The following LMX1B variants were observed in gnomAD, a reference collection of about 807,000 sequenced individuals.
LMX1B encodes LIM homeobox transcription factor 1-beta.
In LMX1B, 12 loss-of-function variants were observed where a neutral mutation model predicts 51.4. That is an observed-to-expected ratio of 0.23 (90% CI 0.15 to 0.38). The LOEUF is 0.38. Among genes scored for constraint, LMX1B ranks in the 10% least tolerant of loss-of-function variants. The probability of loss-of-function intolerance (pLI) is 1.00; values close to 1 mark genes in which losing one functional copy is unlikely to be tolerated. For missense variants in LMX1B, 445 were observed against 571.1 expected (o/e 0.78, Z 2.25); for synonymous variants, 237 against 235.4 (o/e 1.01, Z -0.06).
At chr9:126,676,319 T>TGG in intron 2 of LMX1B, among the ~76,000 whole-genome samples, 1 of 152,194 alleles carries the variant, frequency 6.6e-6, no homozygotes, top group Non-Finnish European at 1.5e-5. Context: ...TTCCGAAAAG[T>TGG]GGCCTTCTCT....
chr9:126,653,269 C>T (rs1836055403), intron 2 of LMX1B, among the ~76,000 whole-genome samples: 1 of 149,780 alleles, frequency 6.7e-6, no homozygotes. Flanking sequence ...TCTCCTACCT[C>T]AGCTACCCCC....
intron 2 of LMX1B, among the ~76,000 whole-genome samples, chr9:126,619,748 C>T (rs1013504053): frequency 1.3e-5 from 2 of 152,186 alleles, no homozygotes; most frequent in South Asian, 2.1e-4. Context: ...TTCACAGTGA[C>T]TCCTGGCTCA....
At chr9:126,622,346 G>A (rs796920542) in intron 2 of LMX1B, among the ~76,000 whole-genome samples, 8 of 152,302 alleles carry the variant, frequency 5.3e-5, no homozygotes, top group African/African-American at 1.9e-4. Context: ...GCTTCCCCGG[G>A]AACTGTGGGG....
In LMX1B at chr9:126,618,279, G is replaced by A. The variant is rs1490892006; in HGVS notation, c.326+2710G>A. Among the ~76,000 whole-genome samples, 1 of 152,120 alleles carries A rather than the reference G, an allele frequency of 6.6e-6. No individual in the cohort carries two copies. Among genetic ancestry groups the A allele is most frequent in the East Asian group, 1.9e-4 (1 of 5,192 alleles). On this transcript the variant is annotated intron_variant, in intron 2 of 7. Transcript: ENST00000373474. This position sits in a 1 kb window ranked among gnomAD's most constrained non-coding sequence, Gnocchi z 4.5. ...AGGGCTCCGTCCTTAAAAAGAGGTT[G>A]CCATTTTTAGTAAATGTCTCTTCTT...
At chr9:126,685,759 A>G (rs1836757005) in intron 2 of LMX1B, among the ~76,000 whole-genome samples, 1 of 152,160 alleles carries the variant, frequency 6.6e-6, no homozygotes, top group Non-Finnish European at 1.5e-5. Context: ...TAGGGTGGTA[A>G]GTCCTGGAGA....
At chr9:126,689,906 GA>G (rs1317528428) in intron 2 of LMX1B, among the ~76,000 whole-genome samples, 1 of 152,222 alleles carries the variant, frequency 6.6e-6, no homozygotes, top group Non-Finnish European at 1.5e-5. Context: ...TTGTTGCAAG[GA>G]TTAAATGCGT....
chr9:126,646,455 G>A (rs1192060987), intron 2 of LMX1B, among the ~76,000 whole-genome samples: 3 of 152,152 alleles, frequency 2.0e-5, no homozygotes, highest in East Asian at 3.9e-4. Context: ...CATCCATGCA[G>A]TAGTCACTCA....
intron 2 of LMX1B, among the ~76,000 whole-genome samples, chr9:126,631,498 T>C (rs991456425): frequency 2.0e-5 from 3 of 151,098 alleles, no homozygotes; most frequent in African/African-American, 7.3e-5. Context: ...CTCAGCTTCC[T>C]GGCTCAGCTC....
intron 2 of LMX1B, among the ~76,000 whole-genome samples, chr9:126,669,056 T>G (rs1836398387): frequency 6.6e-6 from 1 of 152,228 alleles, no homozygotes; most frequent in Non-Finnish European, 1.5e-5. Flanking sequence ...GGTCCAACCC[T>G]GCCAAGGGGC....
rs918321269 is a variant in LMX1B, at chr9:126,668,836, G to T, written c.327-22000G>T. Among the ~76,000 whole-genome samples the T allele has an allele frequency of 4.6e-5, 7 of 152,232 alleles. No homozygotes were observed. In the South Asian group the frequency reaches 1.4e-3, roughly 32 times the overall value. ...TGTCCCCCTAACCCCACATCCCCCA[G>T]GCCCTCCTGGGTGGTGCTTGGCAGG... On this transcript the variant is annotated intron_variant, in intron 2 of 7. Coordinates refer to ENST00000373474, the MANE Select transcript of LMX1B (RefSeq NM_001174147.2).
chr9:126,693,352 G>A, intron 4 of LMX1B, 29 bp downstream of exon 4: 1 of 1,579,348 alleles, frequency 6.3e-7, no homozygotes, highest in Non-Finnish European at 8.6e-7. Context: ...GCGGGGCTCA[G>A]GCTGATGCCC....
chr9:126,689,248 A>G (rs566184307), intron 2 of LMX1B, among the ~76,000 whole-genome samples: 2 of 152,340 alleles, frequency 1.3e-5, no homozygotes, highest in Non-Finnish European at 2.9e-5. Flanking sequence ...GGCAGCATGC[A>G]GAGCTCCAAG....
At position 126,615,627 on chromosome 9, in the gene LMX1B, C is replaced by T; in HGVS notation, c.326+58C>T. The T allele has an allele frequency of 1.3e-6, 2 of 1,490,050 alleles. No individual in the cohort carries two copies. Among genetic ancestry groups the T allele is most frequent in the Non-Finnish European group, 9.1e-7 (1 of 1,100,414 alleles). 92.3% of individuals were successfully genotyped at this position (1,490,050 alleles called of 1,614,324 possible). On this transcript the variant is annotated intron_variant, in intron 2 of 7. Transcript: ENST00000373474. The surrounding 1 kb of genome is among the most constrained non-coding windows in gnomAD (Gnocchi z 6.0). Reference sequence around the variant, plus strand: ...GCCCGGCACTCGAGCCCGGTCAGCCCCCTGCCGGGCCCGGCCCGCGCCCGC... The same window carrying T: ...GCCCGGCACTCGAGCCCGGTCAGCCTCCTGCCGGGCCCGGCCCGCGCCCGC...
chr9:126,658,490 G>T lies in LMX1B; in HGVS notation c.327-32346G>T, dbSNP rs1029032674. ...CCAGCTCCTGATTAGATTTGGGAAGGACTAATTAGATATAATTCATTATCC... is the reference window on the plus strand; with the variant it reads ...CCAGCTCCTGATTAGATTTGGGAAGTACTAATTAGATATAATTCATTATCC... On this transcript the variant is annotated intron_variant, in intron 2 of 7. Transcript: ENST00000373474. This position sits in a 1 kb window ranked among gnomAD's most constrained non-coding sequence, Gnocchi z 4.0. Among the ~76,000 whole-genome samples the T allele has an allele frequency of 2.0e-5, 3 of 152,134 alleles. No individual in the cohort carries two copies. Among genetic ancestry groups the T allele is most frequent in the African/African-American group, 7.2e-5 (3 of 41,422 alleles).
At position 126,695,799 on chromosome 9, in the gene LMX1B, G is replaced by T; in HGVS notation, c.887-40G>T. ...GCTGCTGGGGTGTAGCTGGGAGGGCGTGGACCAGGCCAGGGGGTGAAGGCT... is the reference window on the plus strand; with the variant it reads ...GCTGCTGGGGTGTAGCTGGGAGGGCTTGGACCAGGCCAGGGGGTGAAGGCT... On this transcript the variant is annotated intron_variant, in intron 6 of 7. Transcript: ENST00000373474. This position sits in a 1 kb window ranked among gnomAD's most constrained non-coding sequence, Gnocchi z 5.2. 1 of 1,608,454 alleles carries T rather than the reference G, an allele frequency of 6.2e-7. No homozygotes were observed. The highest frequency in any genetic ancestry group is 8.5e-7 in the Non-Finnish European group (1 of 1,177,318).
chr9:126,680,998 A>G (rs966006598), intron 2 of LMX1B, among the ~76,000 whole-genome samples: 1 of 152,088 alleles, frequency 6.6e-6, no homozygotes, highest in African/African-American at 2.4e-5. Context: ...TGTCTCGACA[A>G]TGGCAGGAGG....
chr9:126,644,641 G>A (rs910369707), intron 2 of LMX1B, among the ~76,000 whole-genome samples: 1 of 152,168 alleles, frequency 6.6e-6, no homozygotes, highest in Non-Finnish European at 1.5e-5. Context: ...CAGGGCTCGG[G>A]GAAGATAATG....
chr9:126,664,227 C>G (rs1836298317), intron 2 of LMX1B, among the ~76,000 whole-genome samples: 1 of 152,224 alleles, frequency 6.6e-6, no homozygotes, highest in African/African-American at 2.4e-5. Context: ...GCCATACTCC[C>G]CTCCCCCAAC....
intron 2 of LMX1B, among the ~76,000 whole-genome samples, chr9:126,652,934 G>A (rs117306147): frequency 2.0e-5 from 3 of 152,122 alleles, no homozygotes; most frequent in African/African-American, 7.2e-5. Flanking sequence ...GCCAAGGCAC[G>A]GGCCAGATCA....
Sources: allele counts gnomAD v4.1 joint callset (sites outside exome capture counted in the v4.1 genomes callset), GRCh38; gene constraint gnomAD v4.1.1; non-coding constraint Gnocchi (gnomAD v3.1); transcripts MANE v1.5; gene names NCBI Gene and HGNC (gene_info 2026-07-23, HGNC 2026-07-21).